Variants in PLCE1 observed in about 807,000 individuals in gnomAD.
The protein encoded by PLCE1 is 1-phosphatidylinositol 4,5-bisphosphate phosphodiesterase epsilon-1.
In PLCE1, 119 loss-of-function variants were observed where a neutral mutation model predicts 242.8. The observed-to-expected ratio is 0.49, with a 90% CI of 0.42 to 0.57. The LOEUF is 0.57. Ranked by LOEUF, PLCE1 falls within the 20% of genes least tolerant of loss-of-function variation. PLCE1 has a pLI of 0.00. For missense variants in PLCE1, 2,441 were observed against 2,788.8 expected (o/e 0.88, Z 2.81); for synonymous variants, 945 against 1,017.4 (o/e 0.93, Z 1.35).
intron 4 of PLCE1, among the ~76,000 whole-genome samples, chr10:94,175,793 A>C (rs2048109946): frequency 6.6e-6 from 1 of 152,094 alleles, no homozygotes. Context: ...TTTAATTTTT[A>C]GCTCCCACAA....
chr10:94,180,009 T>C (rs1483320506), intron 4 of PLCE1, among the ~76,000 whole-genome samples: 2 of 151,992 alleles, frequency 1.3e-5, no homozygotes, highest in African/African-American at 2.4e-5. Context: ...TTTTTTATTA[T>C]TATGATCACC....
chr10:94,198,789 G>A (rs1194736543), intron 4 of PLCE1, among the ~76,000 whole-genome samples: 1 of 152,142 alleles, frequency 6.6e-6, no homozygotes, highest in Non-Finnish European at 1.5e-5. Flanking sequence ...ATGCACACCT[G>A]TTAATCCCAG....
chr10:94,156,634 G>T (rs1218902566), intron 3 of PLCE1, among the ~76,000 whole-genome samples: 1 of 152,080 alleles, frequency 6.6e-6, no homozygotes, highest in East Asian at 1.9e-4. Flanking sequence ...AATTTTTATT[G>T]AGGCTTCATC....
intron 2 of PLCE1, among the ~76,000 whole-genome samples, chr10:94,067,058 G>A (rs1470060641): frequency 6.6e-6 from 1 of 152,144 alleles, no homozygotes; most frequent in African/African-American, 2.4e-5. Flanking sequence ...AGGAAAAGGT[G>A]TCCCTTGGCC....
intron 3 of PLCE1, among the ~76,000 whole-genome samples, chr10:94,147,573 T>G (rs1472232020): frequency 2.6e-5 from 4 of 152,184 alleles, no homozygotes; most frequent in African/African-American, 7.2e-5. Flanking sequence ...GTGGACTAGA[T>G]GCTATGCTAG....
At chr10:94,145,074 A>G (rs187157341) in intron 3 of PLCE1, among the ~76,000 whole-genome samples, 4 of 152,386 alleles carry the variant, frequency 2.6e-5, no homozygotes, top group Admixed American at 2.6e-4. Flanking sequence ...TCTCATCAAA[A>G]TAAAGTAGGG....
intron 7 of PLCE1, among the ~76,000 whole-genome samples, chr10:94,236,855 C>T (rs1184822438): frequency 2.0e-5 from 3 of 150,480 alleles, no homozygotes; most frequent in African/African-American, 7.3e-5. Context: ...TCTTAATCTC[C>T]CTCTCTCTCT....
chr10:94,145,564 G>C (rs1342072218), intron 3 of PLCE1, among the ~76,000 whole-genome samples: 1 of 152,090 alleles, frequency 6.6e-6, no homozygotes, highest in African/African-American at 2.4e-5. Context: ...AAATGTTCTG[G>C]CTTCTCTGGC....
intron 1 of PLCE1, among the ~76,000 whole-genome samples, chr10:94,000,526 A>G (rs577537591): frequency 1.3e-5 from 2 of 152,350 alleles, no homozygotes; most frequent in South Asian, 4.1e-4. Flanking sequence ...TTCTTTGATA[A>G]TTTTATAGTT....
intron 27 of PLCE1, among the ~76,000 whole-genome samples, chr10:94,311,941 G>C (rs1357225143): frequency 1.3e-5 from 2 of 152,112 alleles, no homozygotes; most frequent in Non-Finnish European, 2.9e-5. Context: ...AGAAAGCAGA[G>C]AGCTCATGGG....
intron 2 of PLCE1, chr10:94,081,981 AG>A (rs983727578): frequency 1.0e-4 from 16 of 152,390 alleles, no homozygotes; most frequent in African/African-American, 3.8e-4. Flanking sequence ...TGTTTAATTT[AG>A]ACCTGCCAAG....
At chr10:94,277,606 G>C (rs1375443799) in intron 19 of PLCE1, among the ~76,000 whole-genome samples, 1 of 152,098 alleles carries the variant, frequency 6.6e-6, no homozygotes, top group Non-Finnish European at 1.5e-5. Flanking sequence ...GGTCTGTCCA[G>C]CCCTTGGCGT....
intron 2 of PLCE1, among the ~76,000 whole-genome samples, chr10:94,087,124 G>A (rs987222696): frequency 2.0e-5 from 3 of 152,048 alleles, no homozygotes; most frequent in Admixed American, 6.5e-5. Context: ...AAGGCATGAG[G>A]ATTACTTGAG....
chr10:94,141,620 A>G (rs1441822977), intron 3 of PLCE1, among the ~76,000 whole-genome samples: 163 of 1,042 alleles, frequency 0.16, 3 homozygotes, highest in African/African-American at 0.26. Flanking sequence ...AGGAGAAAGG[A>G]AGGCAGAAGG....
intron 4 of PLCE1, among the ~76,000 whole-genome samples, chr10:94,214,241 G>T (rs1021710468): frequency 2.0e-5 from 3 of 152,152 alleles, no homozygotes; most frequent in Non-Finnish European, 2.9e-5. Context: ...CTTGCCCAGG[G>T]CATCTGGGGA....
rs1262632814 is a variant in PLCE1, at chr10:94,304,625, C to T, written c.5602C>T (p.Pro1868Ser). The T allele has an allele frequency of 1.2e-6, 2 of 1,613,900 alleles. No homozygotes were observed. Among genetic ancestry groups the T allele is most frequent in the Admixed American group, 3.3e-5 (2 of 59,990 alleles). Residue 1868 changes from proline (P) to serine (S), a missense_variant, in exon 25 of 33, where the codon CCT becomes TCT. By Grantham distance (74) the Pro-to-Ser change is moderately conservative (BLOSUM62 -1). This residue lies in a region of PLCE1 where 1,004 missense variants were observed against 1,322.7 expected (regional missense o/e 0.76). Transcript: ENST00000371380. ...PLERDLDSMD[P>S]AVYSLTIVSG... ...AGAAAGAGATCTGGACAGCATGGAT[C>T]CTGCAGTCTATTCTTTAACTGTAAG...
In PLCE1 at chr10:94,256,338, A is replaced by AAAG. The variant is rs1554896747; in HGVS notation, c.3554+1291_3554+1292insGAA. 1.1e-4 allele frequency among the ~76,000 whole-genome samples: 15 copies of AAAG among 140,476 alleles called. No homozygotes were observed. The South Asian group carries it at 2.7e-3, about 25-fold the overall frequency. The allele number at this position is 140,476 out of a possible 152,430, so 92.2% of individuals were successfully genotyped here. On this transcript the variant is annotated intron_variant, in intron 11 of 32. Transcript: ENST00000371380. ...GAGCTTGTCTCAAAAAAAAAAAAAA[A>AAAG]AAAGAAAGAAAGAAAGAAAGAAAAA...
At chr10:94,083,551 C>T (rs1268783548) in intron 2 of PLCE1, among the ~76,000 whole-genome samples, 2 of 152,222 alleles carry the variant, frequency 1.3e-5, no homozygotes, top group African/African-American at 4.8e-5. Context: ...TGCACCCAGA[C>T]ATCCATTTGC....
rs1024016882 is a variant in PLCE1 at position 94,329,749 on chromosome 10, G to T, written c.*1806G>T. 1 of 116,970 alleles carries T rather than the reference G, an allele frequency of 8.5e-6. No individual in the cohort carries two copies. Among genetic ancestry groups the T allele is most frequent in the Non-Finnish European group, 1.6e-5 (1 of 62,146 alleles). The allele number at this position is 116,970 out of a possible 1,614,324, so 7.2% of individuals were successfully genotyped here. ...GCCAAGATCGCACCACCACGCTCCAGCCTGGTGACAGAGCGAGACTCCGTC... is the reference window on the plus strand; with the variant it reads ...GCCAAGATCGCACCACCACGCTCCATCCTGGTGACAGAGCGAGACTCCGTC... On this transcript the variant is annotated 3_prime_UTR_variant, in exon 33 of 33. Coordinates refer to ENST00000371380, the MANE Select transcript of PLCE1 (RefSeq NM_016341.4).
Sources: gnomAD v4.1 joint callset for allele counts (sites outside exome capture counted in the v4.1 genomes callset) on GRCh38, gnomAD v4.1.1 for gene constraint, gnomAD v4.1.1 regional missense constraint, MANE v1.5 for transcripts, NCBI Gene and HGNC (gene_info 2026-07-23, HGNC 2026-07-21) for gene names.